Variants in CFAP251 observed in about 807,000 individuals in gnomAD.
The protein encoded by CFAP251 is cilia and flagella associated protein 251.
Under a neutral mutation model 126.7 loss-of-function variants are expected in CFAP251, and 93 were observed. The observed-to-expected ratio is 0.73, with a 90% CI of 0.62 to 0.87. The LOEUF (loss-of-function observed/expected upper bound fraction) is 0.87. Ranked by LOEUF, CFAP251 falls within the 40% of genes least tolerant of loss-of-function variation. CFAP251 has a pLI of 0.00. For synonymous variants in CFAP251, 503 were observed against 506.9 expected, an observed-to-expected ratio of 0.99 and a Z score of 0.10; for missense variants, 1,287 against 1,389.2, an observed-to-expected ratio of 0.93 and a Z score of 1.17.
Position 121,954,272 on chromosome 12 carries a change from C to T in CFAP251, c.1473C>T (p.Ile491=). ...CCACCTTTTTGGGCTTTCCCTATAT[C>T]AAGCCTTGTAAATTGGTTCATTTGC... The part of the protein sequence containing the change: ...SASTFLGFPY[I]KPCKLVHLQK... Residue 491 remains isoleucine (I), a synonymous_variant, in exon 10 of 22, where the codon ATC becomes ATT. Transcript: ENST00000288912. 1 of 1,614,196 alleles carries T rather than the reference C, an allele frequency of 6.2e-7. No individual in the cohort carries two copies. The highest frequency in any genetic ancestry group is 8.5e-7 in the Non-Finnish European group (1 of 1,180,042).
intron 19 of CFAP251, among the ~76,000 whole-genome samples, chr12:121,979,436 C>T (rs989920032): frequency 3.9e-5 from 6 of 152,110 alleles, no homozygotes; most frequent in African/African-American, 1.4e-4. Flanking sequence ...TCCAGCCAAT[C>T]GGAATCTCCA....
chr12:121,964,935 T>C (rs1882070493), intron 15 of CFAP251, among the ~76,000 whole-genome samples: 1 of 152,070 alleles, frequency 6.6e-6, no homozygotes. Context: ...ATAAAGAAAG[T>C]GAACAGTTCC....
intron 17 of CFAP251, among the ~76,000 whole-genome samples, chr12:121,972,596 C>G (rs920689302): frequency 2.6e-5 from 4 of 151,678 alleles, no homozygotes; most frequent in African/African-American, 7.3e-5. Context: ...TCAAGTGATT[C>G]TCCTGCCTCA....
chr12:121,925,090 C>A (rs924892001), intron 3 of CFAP251, among the ~76,000 whole-genome samples: 2 of 151,978 alleles, frequency 1.3e-5, no homozygotes, highest in African/African-American at 4.8e-5. Context: ...CCCCTTCTTG[C>A]CTCACCTCTT....
intron 19 of CFAP251, among the ~76,000 whole-genome samples, chr12:121,984,980 G>C (rs1329408831): frequency 1.3e-5 from 2 of 152,170 alleles, no homozygotes; most frequent in Non-Finnish European, 2.9e-5. Flanking sequence ...TTGATGGAAT[G>C]AGTGAATGAA....
intron 3 of CFAP251, among the ~76,000 whole-genome samples, chr12:121,928,626 G>GTATA (rs57842636): frequency 0.012 from 522 of 42,970 alleles, 23 homozygotes; most frequent in African/African-American, 0.05. Flanking sequence ...ATGTATATGT[G>GTATA]TATATATATA....
At chr12:121,971,548 A>T in intron 17 of CFAP251, 1 of 702,662 alleles carries the variant, frequency 1.4e-6, no homozygotes, top group Middle Eastern at 2.3e-4. Context: ...ATCTGATTTC[A>T]TCCTGACAGC....
intron 5 of CFAP251, among the ~76,000 whole-genome samples, chr12:121,940,478 G>T (rs751066144): frequency 6.6e-5 from 10 of 152,148 alleles, no homozygotes; most frequent in Non-Finnish European, 1.2e-4. Flanking sequence ...ACCCTAGCGT[G>T]ACATACAGAG....
intron 17 of CFAP251, among the ~76,000 whole-genome samples, chr12:121,972,268 T>C (rs1050636375): frequency 3.9e-5 from 6 of 152,204 alleles, no homozygotes; most frequent in Non-Finnish European, 8.8e-5. Context: ...TGGAACTTCC[T>C]AGAGACTTGT....
At chr12:122,001,728 TGG>T (rs1883156703) in intron 21 of CFAP251, 130 bp downstream of exon 21, 1 of 729,204 alleles carries the variant, frequency 1.4e-6, no homozygotes, top group African/African-American at 1.7e-5. Flanking sequence ...GCATGTCTGT[TGG>T]GAATCCCACA....
intron 17 of CFAP251, among the ~76,000 whole-genome samples, chr12:121,973,562 A>T (rs945868998): frequency 1.3e-5 from 2 of 152,200 alleles, no homozygotes; most frequent in African/African-American, 4.8e-5. Context: ...CCAGCCCATG[A>T]AAGCAGCCAG....
intron 19 of CFAP251, among the ~76,000 whole-genome samples, chr12:121,992,760 T>G (rs902053443): frequency 6.6e-6 from 1 of 151,980 alleles, no homozygotes; most frequent in Admixed American, 6.6e-5. Context: ...GTTGTCTTTT[T>G]TGTAGAGACA....
intron 7 of CFAP251, among the ~76,000 whole-genome samples, chr12:121,945,122 C>T (rs898019173): frequency 3.9e-5 from 6 of 151,996 alleles, no homozygotes; most frequent in African/African-American, 1.5e-4. Flanking sequence ...TGGGTATTGT[C>T]ATCTATTCCC....
At chr12:121,934,185 A>C (rs930022677) in intron 4 of CFAP251, 62 bp from the exon 5 acceptor site, 3 of 1,329,574 alleles carry the variant, frequency 2.3e-6, no homozygotes, top group Non-Finnish European at 3.2e-6. Context: ...GCCTTTGCTG[A>C]TAGTGGCCAA....
At chr12:121,924,802 C>G (rs1447590257) in intron 3 of CFAP251, among the ~76,000 whole-genome samples, 3 of 152,138 alleles carry the variant, frequency 2.0e-5, no homozygotes, top group Non-Finnish European at 4.4e-5. Context: ...AACTTGAGAG[C>G]GGCATCTGCG....
chr12:121,962,965 C>G (rs909102718), intron 15 of CFAP251, among the ~76,000 whole-genome samples: 1 of 152,128 alleles, frequency 6.6e-6, no homozygotes, highest in African/African-American at 2.4e-5. Context: ...GAGAGCAGGT[C>G]AGAGGTACGG....
chr12:121,928,638 GTA>G (rs57700530), intron 3 of CFAP251, among the ~76,000 whole-genome samples: 4,647 of 33,052 alleles, frequency 0.14, 413 homozygotes, highest in African/African-American at 0.17. Flanking sequence ...ATATATATAC[GTA>G]TATATATATA....
chr12:121,939,358 A>G (rs991880458), intron 5 of CFAP251, among the ~76,000 whole-genome samples: 2 of 152,078 alleles, frequency 1.3e-5, no homozygotes, highest in African/African-American at 4.8e-5. Context: ...ACACGCTCTC[A>G]GCTGCAAGTA....
At chr12:121,987,321 C>T (rs1322136805) in intron 19 of CFAP251, among the ~76,000 whole-genome samples, 1 of 152,170 alleles carries the variant, frequency 6.6e-6, no homozygotes, top group African/African-American at 2.4e-5. Context: ...GGTGGGCTTC[C>T]TGCAGAAAGA....
Sources: gnomAD v4.1 joint callset for allele counts (sites outside exome capture counted in the v4.1 genomes callset) on GRCh38, gnomAD v4.1.1 for gene constraint, MANE v1.5 for transcripts, NCBI Gene and HGNC (gene_info 2026-07-23, HGNC 2026-07-21) for gene names.